Variants in PCCA observed in about 807,000 individuals in gnomAD.
PCCA encodes the protein propionyl-CoA carboxylase subunit alpha.
Under a neutral mutation model 101.3 loss-of-function variants are expected in PCCA, and 74 were observed. The ratio of observed to expected loss-of-function variants is 0.73; its 90% CI spans 0.61 to 0.89. PCCA has a LOEUF of 0.89. Ranked by LOEUF, PCCA falls within the 40% of genes least tolerant of loss-of-function variation. The pLI is 0.00. For synonymous variants in PCCA, 294 were observed against 313.6 expected, an observed-to-expected ratio of 0.94 and a Z score of 0.66; for missense variants, 891 against 907.0, an observed-to-expected ratio of 0.98 and a Z score of 0.23.
At chr13:100,317,760 G>A (rs1443388148) in intron 16 of PCCA, among the ~76,000 whole-genome samples, 2 of 152,064 alleles carry the variant, frequency 1.3e-5, no homozygotes, top group Non-Finnish European at 2.9e-5. Context: ...CTAATTTTTT[G>A]TATTTATTGT....
intron 7 of PCCA, among the ~76,000 whole-genome samples, chr13:100,218,464 G>A (rs868037824): frequency 2.0e-5 from 3 of 152,026 alleles, no homozygotes; most frequent in East Asian, 1.9e-4. Flanking sequence ...TTACAGGCGC[G>A]TGCCACTGCG....
At chr13:100,181,089 A>T (rs2056747006) in intron 6 of PCCA, among the ~76,000 whole-genome samples, 1 of 152,212 alleles carries the variant, frequency 6.6e-6, no homozygotes, top group Non-Finnish European at 1.5e-5. Context: ...GCTGGCAGCC[A>T]TATTGTGACC....
chr13:100,285,410 C>T (rs182430570), intron 12 of PCCA, among the ~76,000 whole-genome samples: 370 of 152,278 alleles, frequency 2.4e-3, no homozygotes, highest in Non-Finnish European at 3.4e-3. Context: ...TACTCAGACT[C>T]GTGGGACAAC....
intron 16 of PCCA, among the ~76,000 whole-genome samples, chr13:100,329,324 T>G (rs1428600003): frequency 6.6e-6 from 1 of 152,142 alleles, no homozygotes; most frequent in Non-Finnish European, 1.5e-5. Flanking sequence ...ACTTGCAACA[T>G]CAGCAGCGCG....
intron 17 of PCCA, among the ~76,000 whole-genome samples, chr13:100,335,612 C>T (rs1340176382): frequency 2.0e-5 from 3 of 152,216 alleles, no homozygotes. Context: ...CTCTTTCCCT[C>T]ATCCTGGTGT....
At chr13:100,377,682 G>T (rs1229612146) in intron 19 of PCCA, among the ~76,000 whole-genome samples, 3 of 151,974 alleles carry the variant, frequency 2.0e-5, no homozygotes, top group Admixed American at 2.0e-4. Flanking sequence ...TTTTAGTAGA[G>T]ACAGGGTTTC....
intron 18 of PCCA, among the ~76,000 whole-genome samples, chr13:100,343,571 A>C (rs2071720471): frequency 6.6e-6 from 1 of 152,242 alleles, no homozygotes. Context: ...GGAAGGCAAA[A>C]AGTATAAAGA....
chr13:100,112,629 T>G (rs2048423601), intron 4 of PCCA, among the ~76,000 whole-genome samples: 1 of 139,850 alleles, frequency 7.2e-6, no homozygotes, highest in Non-Finnish European at 1.5e-5. Flanking sequence ...CAGGCTGGAG[T>G]GCAGTGGTGT....
chr13:100,237,883 G>A (rs1164825389), intron 8 of PCCA, among the ~76,000 whole-genome samples: 1 of 151,356 alleles, frequency 6.6e-6, no homozygotes, highest in African/African-American at 2.4e-5. Context: ...ATAGCAGGCC[G>A]TGGATTGCTT....
chr13:100,090,796 C>T (rs2046210909), intron 1 of PCCA, among the ~76,000 whole-genome samples: 1 of 152,210 alleles, frequency 6.6e-6, no homozygotes, highest in Admixed American at 6.5e-5. Context: ...CCCCCATTTA[C>T]AGAAGATGAA....
chr13:100,215,490 T>A (rs1029503917), intron 7 of PCCA, among the ~76,000 whole-genome samples: 4 of 152,192 alleles, frequency 2.6e-5, no homozygotes, highest in African/African-American at 9.7e-5. Flanking sequence ...TATACAGGCA[T>A]GTCTTCATAT....
chr13:100,201,781 C>T (rs766999141), intron 6 of PCCA, among the ~76,000 whole-genome samples: 2 of 134,376 alleles, frequency 1.5e-5, no homozygotes, highest in African/African-American at 5.7e-5. Flanking sequence ...CGCTTGAACC[C>T]GGGAGCTGGA....
intron 21 of PCCA, among the ~76,000 whole-genome samples, chr13:100,487,141 G>C (rs1426299909): frequency 6.6e-6 from 1 of 152,132 alleles, no homozygotes; most frequent in Non-Finnish European, 1.5e-5. Context: ...TATTGAGGAA[G>C]AAAAACAATG....
intron 22 of PCCA, among the ~76,000 whole-genome samples, chr13:100,522,517 G>C (rs756450230): frequency 2.0e-5 from 3 of 152,242 alleles, no homozygotes; most frequent in Admixed American, 6.5e-5. Context: ...GGGCTTCCTG[G>C]GGGGCGGGGC....
chr13:100,223,354 C>A (rs55968326), intron 7 of PCCA, among the ~76,000 whole-genome samples: 1 of 151,918 alleles, frequency 6.6e-6, no homozygotes, highest in African/African-American at 2.4e-5. Flanking sequence ...GGGATGTGTT[C>A]GGAGTTTCTT....
At chr13:100,111,554 A>G (rs1240103311) in intron 2 of PCCA, among the ~76,000 whole-genome samples, 2 of 152,146 alleles carry the variant, frequency 1.3e-5, no homozygotes, top group Non-Finnish European at 2.9e-5. Context: ...ACATTAACCT[A>G]CTATGCTTTA....
intron 21 of PCCA, among the ~76,000 whole-genome samples, chr13:100,474,912 T>C (rs1274219190): frequency 6.6e-6 from 1 of 152,246 alleles, no homozygotes; most frequent in East Asian, 1.9e-4. Flanking sequence ...CCACTTAAAA[T>C]GTAGGATCCA....
intron 19 of PCCA, among the ~76,000 whole-genome samples, chr13:100,397,935 T>G (rs2077129736): frequency 6.6e-6 from 1 of 152,226 alleles, no homozygotes; most frequent in Admixed American, 6.5e-5. Flanking sequence ...TCTTTTTAGC[T>G]TTGAAAACCT....
chr13:100,169,409 C>G (rs2055388821), intron 6 of PCCA, among the ~76,000 whole-genome samples: 1 of 147,040 alleles, frequency 6.8e-6, no homozygotes, highest in Non-Finnish European at 1.5e-5. Context: ...CCACTACACT[C>G]CAGCCTGGGC....
Sources: allele counts gnomAD v4.1 joint callset (sites outside exome capture counted in the v4.1 genomes callset), GRCh38; gene constraint gnomAD v4.1.1; transcripts MANE v1.5; gene names NCBI Gene and HGNC (gene_info 2026-07-23, HGNC 2026-07-21).